Variants in SHANK1 observed in about 807,000 individuals in gnomAD.
SHANK1 encodes SH3 and multiple ankyrin repeat domains protein 1.
A neutral mutation model predicts 165.6 loss-of-function variants in SHANK1; 35 were observed. The observed-to-expected ratio is 0.21, with a 90% CI of 0.16 to 0.28. The LOEUF (loss-of-function observed/expected upper bound fraction) is 0.28. SHANK1 is among the 10% of genes least tolerant of loss of function. The pLI is 1.00. For missense variants in SHANK1, 2,681 were observed against 3,036.4 expected (o/e 0.88, Z 2.75); for synonymous variants, 1,428 against 1,384.8 (o/e 1.03, Z -0.69).
chr19:50,662,519 T>A lies in SHANK1; in HGVS notation c.5932A>T (p.Thr1978Ser). ...ACGCCCTGGAGGTGGCGGGTGGACGTGGAGGAGGAGGAGGCTGAGGGTGAG... is the reference window on the plus strand; with the variant it reads ...ACGCCCTGGAGGTGGCGGGTGGACGAGGAGGAGGAGGAGGCTGAGGGTGAG... ...ATSPSASSSS[T>S]STRHLQGVEF... is the part of the protein sequence containing the mutation. Residue 1978 changes from threonine to serine, a missense_variant, in exon 24 of 24, where the codon ACG becomes TCG. Physicochemically the swap from Thr to Ser is moderately conservative, Grantham distance 58. Around this residue, in one of 10 missense-constraint regions of SHANK1, gnomAD observed 1,713 missense variants for 1,630.2 expected, o/e 1.05. Coordinates refer to ENST00000293441, the MANE Select transcript of SHANK1 (RefSeq NM_016148.5). The surrounding 1 kb of genome is among the most constrained non-coding windows in gnomAD (Gnocchi z 7.7). The A allele has an allele frequency of 6.4e-7, 1 of 1,557,340 alleles. No individual in the cohort carries two copies. Among genetic ancestry groups the A allele is most frequent in the Middle Eastern group, 1.8e-4 (1 of 5,664 alleles).
chr19:50,668,405 C>T lies in SHANK1; in HGVS notation c.3555G>A (p.Pro1185=), dbSNP rs1490751615. The part of the protein sequence containing the change: ...SSTEAEPPTQ[P]EPTGGGGGGG... ...CGCCGCCGCCGCCTCCCGTGGGCTC[C>T]GGCTGGGTGGGGGGCTCCGCCTCGG... Residue 1185 remains proline, a synonymous_variant, in exon 23 of 24, where the codon CCG becomes CCA. Coordinates refer to ENST00000293441, the MANE Select transcript of SHANK1 (RefSeq NM_016148.5). 1 of 1,314,624 alleles carries T rather than the reference C, an allele frequency of 7.6e-7. No homozygotes were observed. Among genetic ancestry groups the T allele is most frequent in the Non-Finnish European group, 9.7e-7 (1 of 1,029,044 alleles). The allele number at this position is 1,314,624 out of a possible 1,614,324, so 81.4% of individuals were successfully genotyped here.
chr19:50,668,271 C>T lies in SHANK1; in HGVS notation c.3689G>A (p.Ser1230Asn). Residue 1230 changes from serine (S) to asparagine (N), a missense_variant, in exon 23 of 24, where the codon AGC (serine) becomes AAC (asparagine). By Grantham distance (46) the Ser-to-Asn change is conservative. Coordinates refer to ENST00000293441, the MANE Select transcript of SHANK1 (RefSeq NM_016148.5). ...PSGPATLDFT[S>N]QFGAALVGAA... ...CCCCACCAGGGCGGCCCCGAACTGG[C>T]TCGTGAAGTCCAGCGTGGCCGGGCC... is the stretch of plus-strand genomic sequence containing the variant. 2 of 1,392,622 alleles carry T rather than the reference C, an allele frequency of 1.4e-6. No homozygotes were observed. Among genetic ancestry groups the T allele is most frequent in the Non-Finnish European group, 1.8e-6 (2 of 1,086,584 alleles). The allele number at this position is 1,392,622 out of a possible 1,614,324, so 86.3% of individuals were successfully genotyped here. A position where few individuals can be genotyped will look rare whatever the true frequency, so the allele number is the denominator to read the frequency against.
At chr19:50,696,491 G>T (rs932561506) in intron 15 of SHANK1, among the ~76,000 whole-genome samples, 2 of 151,610 alleles carry the variant, frequency 1.3e-5, no homozygotes, top group Non-Finnish European at 2.9e-5. Flanking sequence ...AGGATGCTAC[G>T]CACAAGGGGA....
chr19:50,710,230 C>A lies in SHANK1; in HGVS notation c.1077+1141G>T, dbSNP rs573762218. On this transcript the variant is annotated intron_variant, in intron 8 of 23. Coordinates refer to ENST00000293441, the MANE Select transcript of SHANK1 (RefSeq NM_016148.5). ...GAGAAGTGCCGGCACCATGTTGGTT[C>A]GGTTTGACAAACACTGAGTCTTCCC... is the stretch of plus-strand genomic sequence containing the variant. Among the ~76,000 whole-genome samples, 10 of 152,322 alleles carry A rather than the reference C, an allele frequency of 6.6e-5. No homozygotes were observed. In the South Asian group the frequency reaches 2.1e-3, roughly 32 times the overall value.
rs532749886 is a variant in SHANK1, at chr19:50,661,619, T to C, written c.*346A>G. 2.6e-5 allele frequency among the ~76,000 whole-genome samples: 4 copies of C among 152,046 alleles called. No individual in the cohort carries two copies. Among genetic ancestry groups the C allele is most frequent in the African/African-American group, 7.2e-5 (3 of 41,460 alleles). On this transcript the variant is annotated 3_prime_UTR_variant, in exon 24 of 24. Transcript: ENST00000293441. ...CCTGCGGCCTGGGGGACAGTCCCCATCCAATCGGGCTCAGGGCTGACCCTC... is the reference window on the plus strand; with the variant it reads ...CCTGCGGCCTGGGGGACAGTCCCCACCCAATCGGGCTCAGGGCTGACCCTC...
In SHANK1 at chr19:50,716,452, G is replaced by A. The variant is rs1194480364; in HGVS notation, c.282C>T (p.Ala94=). ...CCTGCTGCTTGGCCGTCCAGATGGT[G>A]GCATCGGGGTTGAAGCGAAGGCATT... ...QTKCLRFNPD[A]TIWTAKQQVL... is the part of the protein sequence containing the mutation. Residue 94 remains alanine, a synonymous_variant, in exon 3 of 24, where the codon GCC becomes GCT. Coordinates refer to ENST00000293441, the MANE Select transcript of SHANK1 (RefSeq NM_016148.5). The surrounding 1 kb of genome is among the most constrained non-coding windows in gnomAD (Gnocchi z 8.4). 6.2e-7 allele frequency: 1 copy of A among 1,614,200 alleles called. No individual in the cohort carries two copies. Among genetic ancestry groups the A allele is most frequent in the South Asian group, 1.1e-5 (1 of 91,084 alleles).
At position 50,661,499 on chromosome 19, in the gene SHANK1, GGA is replaced by G. The variant is rs1018198038; in HGVS notation, c.*464_*465del. ...TGAGGGGGGCAGCTGTGTGTGCTGG[GGA>G]GAGGGGAAGGGGGGAGAGCTGAGGG... On this transcript the variant is annotated 3_prime_UTR_variant, in exon 24 of 24. Coordinates refer to ENST00000293441, the MANE Select transcript of SHANK1 (RefSeq NM_016148.5). 7.3e-5 allele frequency among the ~76,000 whole-genome samples: 11 copies of G among 151,722 alleles called. No homozygotes were observed. The highest frequency in any genetic ancestry group is 1.5e-4 in the Non-Finnish European group (10 of 67,910).
Position 50,716,827 on chromosome 19 carries a change from G to T in SHANK1, c.93C>A (p.Asp31Glu). 6.4e-7 allele frequency: 1 copy of T among 1,569,024 alleles called. No individual in the cohort carries two copies. The highest frequency in any genetic ancestry group is 8.6e-7 in the Non-Finnish European group (1 of 1,162,376). The change falls in exon 2 of 24, where the codon GAC (aspartate) becomes GAA (glutamate). Residue 31 changes from aspartate (D) to glutamate (E), a missense_variant. Asp to Glu is a conservative substitution (Grantham distance 45, BLOSUM62 2). This residue lies in a region of SHANK1 where 118 missense variants were observed against 106.9 expected (regional missense o/e 1.10). Coordinates refer to ENST00000293441, the MANE Select transcript of SHANK1 (RefSeq NM_016148.5). This position sits in a 1 kb window ranked among gnomAD's most constrained non-coding sequence, Gnocchi z 8.4. ...EGGSESDSSPDGPGRGPRGTR... is the reference protein window; with the variant it reads ...EGGSESDSSPEGPGRGPRGTR... ...TCCCCCGGGGGCCTCGACCTGGCCC[G>T]TCTGGGGAGCTGTCGGACTCTGAGC...
rs762506605 is a variant in SHANK1, at chr19:50,669,249, G to T, written c.2711C>A (p.Pro904Gln). 1 of 1,611,968 alleles carries T rather than the reference G, an allele frequency of 6.2e-7. No homozygotes were observed. Among genetic ancestry groups the T allele is most frequent in the Non-Finnish European group, 8.5e-7 (1 of 1,179,060 alleles). Reference protein sequence around the residue: ...AEDDRPYLAPPAMKFSRSLSV... With the variant: ...AEDDRPYLAPQAMKFSRSLSV... Reference sequence around the variant, plus strand: ...CAGGCTGCGGCTGAATTTCATGGCTGGGGGTGCTAGGTAAGGTCTGTCATC... The same window carrying T: ...CAGGCTGCGGCTGAATTTCATGGCTTGGGGTGCTAGGTAAGGTCTGTCATC... The change falls in exon 23 of 24, where the codon CCA (proline) becomes CAA (glutamine). Residue 904 changes from proline to glutamine, a missense_variant. Physicochemically the swap from Pro to Gln is moderately conservative, Grantham distance 76. Coordinates refer to ENST00000293441, the MANE Select transcript of SHANK1 (RefSeq NM_016148.5).
chr19:50,708,277 C>T (rs901884884), intron 8 of SHANK1, among the ~76,000 whole-genome samples: 13 of 152,170 alleles, frequency 8.5e-5, no homozygotes, highest in Admixed American at 2.0e-4. Flanking sequence ...AACACCCACA[C>T]TGGGGGCACA....
chr19:50,665,427 C>T (rs865926278), intron 23 of SHANK1, among the ~76,000 whole-genome samples: 2 of 151,716 alleles, frequency 1.3e-5, no homozygotes, highest in South Asian at 4.2e-4. Context: ...ATTTGCCGGG[C>T]ATGGTGGCGG....
chr19:50,668,702 C>T lies in SHANK1; in HGVS notation c.3258G>A (p.Gln1086=). The T allele has an allele frequency of 7.7e-7, 1 of 1,297,628 alleles. No homozygotes were observed. Among genetic ancestry groups the T allele is most frequent in the Non-Finnish European group, 9.7e-7 (1 of 1,029,976 alleles). 80.4% of individuals were successfully genotyped at this position (1,297,628 alleles called of 1,614,324 possible). A position where few individuals can be genotyped will look rare whatever the true frequency, so the allele number is the denominator to read the frequency against. ...SSQGPALRYF[Q]LPPRAASAAM... is the part of the protein sequence containing the mutation. ...CTGCGCTGGCCGCCCGCGGGGGCAG[C>T]TGGAAATAGCGTAGAGCCGGGCCCT... Residue 1086 remains glutamine (Q), a synonymous_variant, in exon 23 of 24, where the codon CAG becomes CAA. Coordinates refer to ENST00000293441, the MANE Select transcript of SHANK1 (RefSeq NM_016148.5).
At chr19:50,695,346 C>A (rs538375164) in intron 15 of SHANK1, among the ~76,000 whole-genome samples, 104 of 144,452 alleles carry the variant, frequency 7.2e-4, no homozygotes, top group South Asian at 1.7e-3. Flanking sequence ...GCTCCGGAGG[C>A]GGGCGGCGGG....
At chr19:50,665,381 G>A (rs149097670) in intron 23 of SHANK1, among the ~76,000 whole-genome samples, 72 of 151,606 alleles carry the variant, frequency 4.7e-4, no homozygotes, top group African/African-American at 1.6e-3. Context: ...CCTGGCCCAC[G>A]TGGCAAAACC....
intron 15 of SHANK1, among the ~76,000 whole-genome samples, chr19:50,694,197 G>T (rs1250906283): frequency 2.0e-5 from 3 of 151,388 alleles, no homozygotes; most frequent in African/African-American, 7.3e-5. Flanking sequence ...ACACACACAC[G>T]CACACACACG....
intron 21 of SHANK1, among the ~76,000 whole-genome samples, chr19:50,680,875 C>G (rs1032926737): frequency 2.0e-5 from 3 of 152,180 alleles, no homozygotes; most frequent in Non-Finnish European, 4.4e-5. Flanking sequence ...AGGCTGGTCT[C>G]AAACTCCTGA....
chr19:50,669,070 C>T lies in SHANK1; in HGVS notation c.2890G>A (p.Ala964Thr). 2.1e-6 allele frequency: 2 copies of T among 963,070 alleles called. No individual in the cohort carries two copies. Among genetic ancestry groups the T allele is most frequent in the Non-Finnish European group, 2.8e-6 (2 of 718,964 alleles). The allele number at this position is 963,070 out of a possible 1,614,324, so 59.7% of individuals were successfully genotyped here. A position where few individuals can be genotyped will look rare whatever the true frequency, so the allele number is the denominator to read the frequency against. ...CCGTCAAAGGATGCAGGGGAGGAGGCGGGGAGGGGGCCACCAGAGCCAGGG... is the reference window on the plus strand; with the variant it reads ...CCGTCAAAGGATGCAGGGGAGGAGGTGGGGAGGGGGCCACCAGAGCCAGGG... ...FNPGSGGPLP[A>T]SSPASFDGPS... The change falls in exon 23 of 24, where the codon GCC becomes ACC. Residue 964 changes from alanine (A) to threonine (T), a missense_variant. Around this residue, in one of 10 missense-constraint regions of SHANK1, gnomAD observed 1,713 missense variants for 1,630.2 expected, o/e 1.05. Coordinates refer to ENST00000293441, the MANE Select transcript of SHANK1 (RefSeq NM_016148.5).
Position 50,662,127 on chromosome 19 carries a change from C to T in SHANK1, c.6324G>A (p.Glu2108=). The stretch of plus-strand genomic sequence containing the variant: ...CTCGGTGCTCCGCCAAACCCAGCCA[C>T]TCCAGCCAATCAGCCACGTCGAACT... The part of the protein sequence containing the change: ...WTKFDVADWL[E]WLGLAEHRAQ... Residue 2108 remains glutamate (E), a synonymous_variant, in exon 24 of 24, where the codon GAG becomes GAA. Coordinates refer to ENST00000293441, the MANE Select transcript of SHANK1 (RefSeq NM_016148.5). The surrounding 1 kb of genome is among the most constrained non-coding windows in gnomAD (Gnocchi z 7.7). 6.2e-7 allele frequency: 1 copy of T among 1,613,938 alleles called. No individual in the cohort carries two copies. Among genetic ancestry groups the T allele is most frequent in the Non-Finnish European group, 8.5e-7 (1 of 1,179,810 alleles).
chr19:50,687,293 G>T (rs986449840), intron 19 of SHANK1, among the ~76,000 whole-genome samples: 4 of 151,912 alleles, frequency 2.6e-5, no homozygotes, highest in Admixed American at 2.6e-4. Context: ...GGGCTGGGGG[G>T]TGAGGTGGGA....
Sources: gnomAD v4.1 joint callset for allele counts (sites outside exome capture counted in the v4.1 genomes callset) on GRCh38, gnomAD v4.1.1 for gene constraint, gnomAD v4.1.1 regional missense constraint, Gnocchi (gnomAD v3.1) non-coding constraint, MANE v1.5 for transcripts, NCBI Gene and HGNC (gene_info 2026-07-23, HGNC 2026-07-21) for gene names.